CAMSAP1: variants seen among roughly 807,000 people sequenced by gnomAD.
CAMSAP1 encodes calmodulin regulated spectrin associated protein 1.
CAMSAP1 carries 58 observed loss-of-function variants against 143.5 expected under a neutral mutation model. The ratio of observed to expected loss-of-function variants is 0.40; its 90% CI spans 0.33 to 0.50. The LOEUF (loss-of-function observed/expected upper bound fraction) is 0.50. CAMSAP1 is among the 20% of genes least tolerant of loss of function. CAMSAP1 has a pLI of 0.45. For missense variants in CAMSAP1, 1,969 were observed against 2,115.7 expected (o/e 0.93, Z 1.36); for synonymous variants, 945 against 859.3 (o/e 1.10, Z -1.74).
chr9:135,851,251 A>G (rs562394770), intron 5 of CAMSAP1, among the ~76,000 whole-genome samples: 16 of 152,366 alleles, frequency 1.1e-4, no homozygotes, highest in Non-Finnish European at 1.6e-4. Context: ...GAAAAAATAG[A>G]ATTTCAGAAA....
chr9:135,857,546 T>G (rs11103202), intron 5 of CAMSAP1, among the ~76,000 whole-genome samples: 7,029 of 152,342 alleles, frequency 0.046, 276 homozygotes, highest in East Asian at 0.11. Context: ...GTCCTGTTGT[T>G]GGTTCTGAGG....
At chr9:135,883,442 A>C (rs879866946) in intron 1 of CAMSAP1, among the ~76,000 whole-genome samples, 12 of 152,148 alleles carry the variant, frequency 7.9e-5, no homozygotes, top group Non-Finnish European at 1.5e-4. Context: ...GAGTGTGTTA[A>C]TGGGGCTGAG....
intron 1 of CAMSAP1, among the ~76,000 whole-genome samples, chr9:135,888,175 C>T (rs372039351): frequency 2.6e-4 from 39 of 152,342 alleles, no homozygotes; most frequent in South Asian, 6.2e-4. Flanking sequence ...CTGTCCGTTC[C>T]GAACAACGAA....
rs1420333691 is a variant in CAMSAP1 at position 135,810,160 on chromosome 9, T to C, written c.*1149A>G. ...GCGCTCCACAGAAGCATCAACACCATTGGGACCAAGGCAGAAAGAACCCAA... is the reference window on the plus strand; with the variant it reads ...GCGCTCCACAGAAGCATCAACACCACTGGGACCAAGGCAGAAAGAACCCAA... On this transcript the variant is annotated 3_prime_UTR_variant, in exon 17 of 17. Transcript: ENST00000389532. The C allele has an allele frequency of 6.6e-6, 1 of 152,468 alleles. No individual in the cohort carries two copies. Among genetic ancestry groups the C allele is most frequent in the Non-Finnish European group, 1.5e-5 (1 of 68,034 alleles). 9.4% of individuals were successfully genotyped at this position (152,468 alleles called of 1,614,324 possible). A position where few individuals can be genotyped will look rare whatever the true frequency, so the allele number is the denominator to read the frequency against.
chr9:135,865,241 C>G, intron 4 of CAMSAP1: 2 of 1,259,486 alleles, frequency 1.6e-6, no homozygotes, highest in Non-Finnish European at 2.3e-6. Context: ...AACAAAAAAA[C>G]AGTTTTGGGT....
intron 7 of CAMSAP1, among the ~76,000 whole-genome samples, chr9:135,837,975 A>C (rs1836154147): frequency 6.7e-6 from 1 of 148,360 alleles, no homozygotes. Flanking sequence ...CTACAGACAC[A>C]CATCATCACA....
chr9:135,850,428 T>C lies in CAMSAP1; in HGVS notation c.842A>G (p.Asp281Gly), dbSNP rs1277913641. 1.2e-6 allele frequency: 2 copies of C among 1,602,542 alleles called. No individual in the cohort carries two copies. The highest frequency in any genetic ancestry group is 4.5e-5 in the East Asian group (2 of 44,832). Residue 281 changes from aspartate to glycine, a missense_variant, in exon 6 of 17, where the codon GAC becomes GGC. By Grantham distance (94) the Asp-to-Gly change is moderately conservative. Around this residue, in one of 4 missense-constraint regions of CAMSAP1, gnomAD observed 221 missense variants for 298.2 expected, o/e 0.74. Coordinates refer to ENST00000389532, the MANE Select transcript of CAMSAP1 (RefSeq NM_015447.4). ...CAGAAGCCGAATATTATACAGACTG[T>C]CGGCCATCGACGTTACCTCCTTTAA... The part of the protein sequence containing the change: ...ICLKEVTSMA[D>G]SLYNIRLLRE...
rs1234959633 is a variant in CAMSAP1, at chr9:135,808,748, G to T, written c.*2561C>A. The T allele has an allele frequency of 6.6e-6, 1 of 152,238 alleles. No individual in the cohort carries two copies. Among genetic ancestry groups the T allele is most frequent in the Non-Finnish European group, 1.5e-5 (1 of 68,042 alleles). 9.4% of individuals were successfully genotyped at this position (152,238 alleles called of 1,614,324 possible). A position where few individuals can be genotyped will look rare whatever the true frequency, so the allele number is the denominator to read the frequency against. On this transcript the variant is annotated 3_prime_UTR_variant, in exon 17 of 17. Coordinates refer to ENST00000389532, the MANE Select transcript of CAMSAP1 (RefSeq NM_015447.4). ...CAGCCATGTGCACGCACACGTGTGG[G>T]TAGAACGTATCTGCACATACATGCG...
chr9:135,904,964 C>CAA (rs1299738351), intron 1 of CAMSAP1, among the ~76,000 whole-genome samples: 1,815 of 107,794 alleles, frequency 0.017, 48 homozygotes, highest in African/African-American at 0.059. Flanking sequence ...GACTCCGTCT[C>CAA]AAAAAAAAAA....
In CAMSAP1 at chr9:135,822,082, T is replaced by A. The variant is rs1417673061; in HGVS notation, c.2579A>T (p.Glu860Val). ...CTTGCCATGCTGGCTCGGACTCTGC[T>A]CCCTCTTCTGCCTCCACGTCGTCAG... ...APLTTWRQKR[E>V]QSPSQHGKDP... Residue 860 changes from glutamate to valine, a missense_variant, in exon 11 of 17, where the codon GAG (glutamate) becomes GTG (valine). Physicochemically the swap from Glu to Val is moderately radical, Grantham distance 121 (BLOSUM62 -2). Transcript: ENST00000389532. The surrounding 1 kb of genome is among the most constrained non-coding windows in gnomAD (Gnocchi z 6.1). 1 of 1,612,632 alleles carries A rather than the reference T, an allele frequency of 6.2e-7. No homozygotes were observed. Among genetic ancestry groups the A allele is most frequent in the Admixed American group, 1.7e-5 (1 of 60,018 alleles).
chr9:135,903,821 T>G (rs1285411958), intron 1 of CAMSAP1, among the ~76,000 whole-genome samples: 1 of 152,098 alleles, frequency 6.6e-6, no homozygotes, highest in Non-Finnish European at 1.5e-5. Flanking sequence ...ATGGAGACAT[T>G]CAAAAGAAGA....
intron 7 of CAMSAP1, among the ~76,000 whole-genome samples, chr9:135,834,910 C>A (rs1835968039): frequency 1.3e-5 from 2 of 152,130 alleles, no homozygotes; most frequent in East Asian, 3.9e-4. Flanking sequence ...CCCCATCTTC[C>A]CTCGCGGTCA....
At chr9:135,831,645 T>C (rs919732937) in intron 7 of CAMSAP1, among the ~76,000 whole-genome samples, 3 of 151,772 alleles carry the variant, frequency 2.0e-5, no homozygotes, top group African/African-American at 7.3e-5. Flanking sequence ...AGAGCAGAAA[T>C]AGATCAAATA....
intron 1 of CAMSAP1, among the ~76,000 whole-genome samples, chr9:135,899,495 C>T (rs1334311313): frequency 6.6e-6 from 1 of 151,834 alleles, no homozygotes; most frequent in African/African-American, 2.4e-5. Flanking sequence ...TGTATCCTAG[C>T]AGGGACTTCT....
intron 7 of CAMSAP1, among the ~76,000 whole-genome samples, chr9:135,847,867 GCA>G (rs1304027083): frequency 0.01 from 2 of 192 alleles, no homozygotes; most frequent in African/African-American, 0.019. Flanking sequence ...GGGGGAGGGG[GCA>G]GGGAAGGGGA....
intron 16 of CAMSAP1, among the ~76,000 whole-genome samples, chr9:135,813,211 G>A (rs928620391): frequency 7.9e-5 from 12 of 152,112 alleles, no homozygotes; most frequent in Admixed American, 3.9e-4. Flanking sequence ...AGGCCTCATC[G>A]CCTCTCCCAA....
chr9:135,858,968 T>C (rs1319431927), intron 5 of CAMSAP1, among the ~76,000 whole-genome samples: 1 of 152,186 alleles, frequency 6.6e-6, no homozygotes, highest in Non-Finnish European at 1.5e-5. Context: ...CTCAAGCCAC[T>C]GACTCACACC....
chr9:135,899,662 T>C lies in CAMSAP1; in HGVS notation c.160+7338A>G, dbSNP rs1002902167. Among the ~76,000 whole-genome samples the C allele has an allele frequency of 8.5e-5, 13 of 152,120 alleles. No individual in the cohort carries two copies. The East Asian group carries it at 1.7e-3, about 20-fold the overall frequency. The stretch of plus-strand genomic sequence containing the variant: ...TTCCAGTCTAATTTCGCCTTCCAAC[T>C]CTGCAGCCACTACCCCCATGAGGCC... On this transcript the variant is annotated intron_variant, in intron 1 of 16. Transcript: ENST00000389532.
At chr9:135,819,211 C>G in intron 11 of CAMSAP1, 65 bp from the exon 12 acceptor site, 1 of 1,525,438 alleles carries the variant, frequency 6.6e-7, no homozygotes, top group Non-Finnish European at 8.8e-7. Context: ...CGGCCGCACT[C>G]GACCCAGCAG....
Sources: allele counts gnomAD v4.1 joint callset (sites outside exome capture counted in the v4.1 genomes callset), GRCh38; gene constraint gnomAD v4.1.1; regional missense constraint gnomAD v4.1.1; non-coding constraint Gnocchi (gnomAD v3.1); transcripts MANE v1.5; gene names NCBI Gene and HGNC (gene_info 2026-07-23, HGNC 2026-07-21).